Variants in BPIFB3 observed in about 807,000 individuals in gnomAD.
The protein encoded by BPIFB3 is BPI fold containing family B member 3, also known as BPI fold-containing family B member 3.
BPIFB3 carries 49 observed loss-of-function variants against 53.1 expected under a neutral mutation model. The observed-to-expected ratio is 0.92, with a 90% CI of 0.73 to 1.17. The LOEUF (loss-of-function observed/expected upper bound fraction) is 1.17, where lower values mean the gene tolerates loss of function less well. BPIFB3 is among the 50% of genes most tolerant of loss of function. BPIFB3 has a pLI of 0.00. For synonymous variants in BPIFB3, 271 were observed against 269.6 expected, an observed-to-expected ratio of 1.01 and a Z score of -0.05; for missense variants, 628 against 592.5, an observed-to-expected ratio of 1.06 and a Z score of -0.62.
chr20:33,059,515 C>CT lies in BPIFB3; in HGVS notation c.386+35dup, dbSNP rs765786745. 13 of 1,492,424 alleles carry CT rather than the reference C, an allele frequency of 8.7e-6. No individual in the cohort carries two copies. The East Asian group carries it at 3.0e-4, about 35-fold the overall frequency. 92.4% of individuals were successfully genotyped at this position (1,492,424 alleles called of 1,614,324 possible). A position where few individuals can be genotyped will look rare whatever the true frequency, so the allele number is the denominator to read the frequency against. On this transcript the variant is annotated intron_variant, in intron 3 of 14. Coordinates refer to ENST00000375494, the Ensembl canonical transcript of BPIFB3. ...TGTCCTGGGGACCTCTACCCTCCTGCTTCCTATCCCACCCCCTGACCTGTT... is the reference window on the plus strand; with the variant it reads ...TGTCCTGGGGACCTCTACCCTCCTGCTTTCCTATCCCACCCCCTGACCTGTT...
chr20:33,063,645 G>A, exon 6 of BPIFB3: 3 of 1,614,110 alleles, frequency 1.9e-6, no homozygotes, highest in Non-Finnish European at 2.5e-6. Flanking sequence ...TGTGCTGGGT[G>A]TGGTGAATGA....
At position 33,061,213 on chromosome 20, in the gene BPIFB3, C is replaced by T. The variant is rs370535100; in HGVS notation, c.528-555C>T. 1.1e-3 allele frequency among the ~76,000 whole-genome samples: 174 copies of T among 152,232 alleles called. 5 individuals are homozygous for T. In the South Asian group the frequency reaches 0.034, roughly 29 times the overall value. Reference sequence around the variant, plus strand: ...GATTCCAGGCAAGGGCTTTGGGCTCCTTAAATTCCAGTGGTTCCCAGGATG... The same window carrying T: ...GATTCCAGGCAAGGGCTTTGGGCTCTTTAAATTCCAGTGGTTCCCAGGATG... On this transcript the variant is annotated intron_variant, in intron 4 of 14. Coordinates refer to ENST00000375494, the Ensembl canonical transcript of BPIFB3.
At chr20:33,066,976 C>T in intron 9 of BPIFB3, 99 bp downstream of exon 10, 1 of 1,238,168 alleles carries the variant, frequency 8.1e-7, no homozygotes, top group Non-Finnish European at 1.2e-6. Context: ...CAGGCAACTG[C>T]AATTGAACAG....
chr20:33,059,556 G>A, intron 3 of BPIFB3, 74 bp downstream of exon 4: 1 of 1,106,742 alleles, frequency 9.0e-7, no homozygotes, highest in Non-Finnish European at 1.3e-6. Context: ...CTCCTACTCT[G>A]CTGTCCCCCC....
chr20:33,066,189 A>G (rs970005542), intron 8 of BPIFB3, among the ~76,000 whole-genome samples: 2 of 152,130 alleles, frequency 1.3e-5, no homozygotes, highest in Non-Finnish European at 2.9e-5. Flanking sequence ...CTGGGCCATC[A>G]GTTAGCAGCC....
chr20:33,068,628 C>T (rs569892707), intron 9 of BPIFB3, among the ~76,000 whole-genome samples, 175 bp from the exon 11 acceptor site: 13 of 152,304 alleles, frequency 8.5e-5, no homozygotes, highest in Admixed American at 5.9e-4. Flanking sequence ...AGGTCGGTGT[C>T]TCCACACCTG....
Position 33,064,759 on chromosome 20 carries a change from G to A in BPIFB3, c.838G>A (p.Val280Met), listed in dbSNP as rs781437452. 19 of 1,614,114 alleles carry A rather than the reference G, an allele frequency of 1.2e-5. No homozygotes were observed. In the South Asian group the frequency reaches 2.0e-4, roughly 17 times the overall value. ...CCCCAAGAAGGACCACACATCCCAG[G>A]TGATGGTGCCACTGTACCTCTTCAA... is the stretch of plus-strand genomic sequence containing the variant. The change falls in exon 8 of 15, where the codon GTG (valine) becomes ATG (methionine). Residue 280 changes from valine to methionine, a missense_variant. Val to Met is a conservative substitution (Grantham distance 21). Transcript: ENST00000375494.
intron 9 of BPIFB3, among the ~76,000 whole-genome samples, chr20:33,068,041 C>T (rs182514787): frequency 1.3e-5 from 2 of 152,312 alleles, no homozygotes; most frequent in East Asian, 3.9e-4. Flanking sequence ...GATTGTGTGC[C>T]TCATTTAGGC....
At chr20:33,072,834 C>T in intron 14 of BPIFB3, 41 bp downstream of exon 15, 1 of 1,504,634 alleles carries the variant, frequency 6.6e-7, no homozygotes, top group Non-Finnish European at 9.3e-7. Context: ...GGGCCTTAAG[C>T]TTGTCTCTGG....
At chr20:33,063,032 G>T (rs911681477) in intron 5 of BPIFB3, among the ~76,000 whole-genome samples, 1 of 152,260 alleles carries the variant, frequency 6.6e-6, no homozygotes, top group Non-Finnish European at 1.5e-5. Flanking sequence ...TCCCACTCCA[G>T]TGGGCTATGG....
At chr20:33,069,658 A>G (rs1241764146) in intron 10 of BPIFB3, among the ~76,000 whole-genome samples, 1 of 152,230 alleles carries the variant, frequency 6.6e-6, no homozygotes, top group Non-Finnish European at 1.5e-5. Flanking sequence ...CTGCAGCCCC[A>G]GAGCTTCCTC....
chr20:33,059,318 G>T, intron 2 of BPIFB3, 60 bp from the exon 4 acceptor site: 1 of 1,337,868 alleles, frequency 7.5e-7, no homozygotes, highest in Non-Finnish European at 1.1e-6. Context: ...AGCCACTCTG[G>T]GCGCCGCCTG....
At chr20:33,058,849 C>T (rs564301682) in intron 2 of BPIFB3, among the ~76,000 whole-genome samples, 6 of 151,846 alleles carry the variant, frequency 4.0e-5, no homozygotes, top group Non-Finnish European at 8.8e-5. Flanking sequence ...AGTCAGCAAG[C>T]TGAAGAGGGA....
chr20:33,062,033 C>G (rs1010737164), intron 5 of BPIFB3, among the ~76,000 whole-genome samples: 3 of 142,726 alleles, frequency 2.1e-5, no homozygotes, highest in Admixed American at 7.1e-5. Context: ...TCCTTTCGGC[C>G]TGGGTCCCCT....
intron 7 of BPIFB3, 54 bp downstream of exon 8, chr20:33,064,602 C>T (rs1980592100): frequency 2.5e-6 from 4 of 1,612,592 alleles, no homozygotes; most frequent in Non-Finnish European, 3.4e-6. Flanking sequence ...ATAGGGGATG[C>T]CGGATCAAGG....
rs906581050 is a variant in BPIFB3, at chr20:33,073,620, C to A, written c.*15C>A. On this transcript the variant is annotated 3_prime_UTR_variant, in exon 15 of 15. Coordinates refer to ENST00000375494, the Ensembl canonical transcript of BPIFB3. The stretch of plus-strand genomic sequence containing the variant: ...TGGCATCCTGAGGCTGAGACATGGC[C>A]ACCAGCCTTCCCTGTTGACTACTAG... 4.3e-6 allele frequency: 7 copies of A among 1,613,678 alleles called. No homozygotes were observed. In the African/African-American group the frequency reaches 9.3e-5, roughly 22 times the overall value.
At chr20:33,060,302 C>T (rs561379958) in intron 4 of BPIFB3, among the ~76,000 whole-genome samples, 2 of 152,360 alleles carry the variant, frequency 1.3e-5, no homozygotes, top group Admixed American at 6.5e-5. Flanking sequence ...CCCTCTCCGC[C>T]AGAGCGGGCC....
chr20:33,059,544 G>A (rs1980356714), intron 3 of BPIFB3, 62 bp downstream of exon 4: 4 of 1,238,478 alleles, frequency 3.2e-6, no homozygotes, highest in East Asian at 2.5e-5. Flanking sequence ...ACCTGTTGGA[G>A]ACTCCTACTC....
At chr20:33,059,293 G>GATA in intron 2 of BPIFB3, 85 bp from the exon 4 acceptor site, 2 of 925,256 alleles carry the variant, frequency 2.2e-6, no homozygotes, top group African/African-American at 3.3e-5. Flanking sequence ...AGGTGAGATA[G>GATA]GGGACACCAC....
Sources: gnomAD v4.1 joint callset for allele counts (sites outside exome capture counted in the v4.1 genomes callset) on GRCh38, gnomAD v4.1.1 for gene constraint, MANE v1.5 for transcripts, NCBI Gene and HGNC (gene_info 2026-07-23, HGNC 2026-07-21) for gene names.